CHD1L: variants seen among roughly 807,000 people sequenced by gnomAD.
CHD1L encodes ATP-dependent chromatin remodeler CHD1L.
A neutral mutation model predicts 115.9 loss-of-function variants in CHD1L; 118 were observed. The observed-to-expected ratio is 1.02, with a 90% CI of 0.88 to 1.19. CHD1L has a LOEUF of 1.19. CHD1L is among the 50% of genes most tolerant of loss of function. The pLI is 0.00. For synonymous variants in CHD1L, 411 were observed against 387.1 expected (o/e 1.06, Z -0.72); for missense variants, 1,179 against 1,065.3 (o/e 1.11, Z -1.49).
chr1:147,246,064 A>G (rs587697220), intron 1 of CHD1L, among the ~76,000 whole-genome samples: 2 of 152,230 alleles, frequency 1.3e-5, no homozygotes, highest in African/African-American at 2.4e-5. Context: ...TACCTCACCA[A>G]TTCCTTAACC....
intron 5 of CHD1L, chr1:147,259,173 G>T (rs587660039): frequency 1.3e-5 from 2 of 152,194 alleles, no homozygotes; most frequent in African/African-American, 4.8e-5. Flanking sequence ...CAAAGTATTT[G>T]CTTTTATGAC....
chr1:147,283,505 C>G lies in CHD1L; in HGVS notation c.1706-846C>G, dbSNP rs147532045. On this transcript the variant is annotated intron_variant, in intron 15 of 22. Coordinates refer to ENST00000369258, the MANE Select transcript of CHD1L (RefSeq NM_004284.6). ...CTTGATTCATGATCTTGGCAGATCA[C>G]TCAACCTCATTGAGCCTTTTTGTTC... Among the ~76,000 whole-genome samples the G allele has an allele frequency of 5.9e-3, 900 of 152,304 alleles. 7 individuals carry two copies. Among genetic ancestry groups the G allele is most frequent in the Non-Finnish European group, 8.8e-3 (601 of 68,020 alleles).
At chr1:147,288,672 C>G (rs782415277) in intron 19 of CHD1L, among the ~76,000 whole-genome samples, 1 of 152,134 alleles carries the variant, frequency 6.6e-6, no homozygotes, top group Non-Finnish European at 1.5e-5. Flanking sequence ...CTGAGCAAGA[C>G]TGTCTCAAGA....
the CHD1L span, chr1:147,223,598 C>A: frequency 6.4e-6 from 1 of 156,846 alleles, no homozygotes; most frequent in South Asian, 1.8e-4. Context: ...GCCCCCGCCC[C>A]TGCTATCAGT....
intron 21 of CHD1L, 43 bp downstream of exon 21, chr1:147,293,765 C>G (rs782273594): frequency 1.3e-6 from 2 of 1,522,298 alleles, no homozygotes; most frequent in Non-Finnish European, 1.8e-6. Flanking sequence ...GAATTTGTTT[C>G]TAGGCATGTG....
At chr1:147,180,448 C>T in the CHD1L span, among the ~76,000 whole-genome samples, 3 of 152,068 alleles carry the variant, frequency 2.0e-5, no homozygotes, top group African/African-American at 4.8e-5. Context: ...TGTGCCACCA[C>T]GCCTAGTCAA....
chr1:147,178,169 C>T, the CHD1L span: 1 of 1,610,626 alleles, frequency 6.2e-7, no homozygotes, highest in Non-Finnish European at 8.5e-7. Flanking sequence ...CTCGCCGCGG[C>T]CCGCCTCGCG....
At chr1:147,212,618 C>T in the CHD1L span, 1 of 1,332,436 alleles carries the variant, frequency 7.5e-7, no homozygotes, top group East Asian at 2.3e-5. Context: ...TTTTTGCAGA[C>T]TTAAGTTTAA....
At chr1:147,259,679 C>T in intron 5 of CHD1L, 158 bp from the exon 6 acceptor site, 1 of 634,490 alleles carries the variant, frequency 1.6e-6, no homozygotes, top group South Asian at 2.0e-5. Flanking sequence ...GTATTATGCA[C>T]ATGTAGCCTC....
At chr1:147,283,985 A>T (rs1170327232) in intron 15 of CHD1L, among the ~76,000 whole-genome samples, 3 of 152,226 alleles carry the variant, frequency 2.0e-5, no homozygotes, top group African/African-American at 4.8e-5. Context: ...GTGTGTTTGG[A>T]ATAAAAAAGT....
chr1:147,272,489 C>T (rs1322274855), intron 12 of CHD1L: 4 of 429,494 alleles, frequency 9.3e-6, no homozygotes, highest in Non-Finnish European at 1.6e-5. Flanking sequence ...AGGCTGAAAC[C>T]TGGGGTTATT....
chr1:147,252,802 C>G (rs1263909570), intron 2 of CHD1L, 67 bp downstream of exon 2: 4 of 1,284,320 alleles, frequency 3.1e-6, no homozygotes, highest in African/African-American at 1.5e-5. Context: ...CATTCTGGAG[C>G]TGAGAGCTCT....
At chr1:147,178,294 A>C in the CHD1L span, 6 of 1,613,222 alleles carry the variant, frequency 3.7e-6, no homozygotes, top group Admixed American at 1.0e-4. Context: ...TGGACACTGC[A>C]AGAGACTTGC....
chr1:147,247,174 A>G (rs1666887962), intron 1 of CHD1L, among the ~76,000 whole-genome samples: 1 of 152,228 alleles, frequency 6.6e-6, no homozygotes, highest in South Asian at 2.1e-4. Context: ...CATTGTGGTC[A>G]GAGAACATAC....
the CHD1L span, among the ~76,000 whole-genome samples, chr1:147,181,163 C>T: frequency 6.6e-6 from 1 of 152,106 alleles, no homozygotes; most frequent in South Asian, 2.1e-4. Flanking sequence ...AGCTATTGCC[C>T]CCTCAAGGAA....
the CHD1L span, among the ~76,000 whole-genome samples, chr1:147,226,583 G>C: frequency 2.6e-5 from 4 of 152,150 alleles, no homozygotes; most frequent in African/African-American, 9.7e-5. Flanking sequence ...GTTAGAACAA[G>C]GGCCCATCCA....
In CHD1L at chr1:147,267,435, A is replaced by G. The variant is rs782317795; in HGVS notation, c.905A>G (p.Glu302Gly). 1.2e-6 allele frequency: 2 copies of G among 1,612,258 alleles called. No homozygotes were observed. The highest frequency in any genetic ancestry group is 1.7e-6 in the Non-Finnish European group (2 of 1,178,840). ...TTTTTTTAAATTTCAGATGCATTTG[A>G]AAATGAGACGGCAAAGAAAGTTAAA... ...AILMKDLDAF[E>G]NETAKKVKLQ... The change falls in exon 9 of 23, where the codon GAA becomes GGA. Residue 302 changes from glutamate (E) to glycine (G), a missense_variant. Coordinates refer to ENST00000369258, the MANE Select transcript of CHD1L (RefSeq NM_004284.6).
intron 9 of CHD1L, among the ~76,000 whole-genome samples, chr1:147,268,510 A>G (rs887617221): frequency 6.6e-6 from 1 of 152,198 alleles, no homozygotes; most frequent in Non-Finnish European, 1.5e-5. Flanking sequence ...GACTTATTTT[A>G]TAGAGTGAGT....
At chr1:147,248,014 G>A (rs67248543) in intron 1 of CHD1L, among the ~76,000 whole-genome samples, 49,445 of 152,012 alleles carry the variant, frequency 0.33, 8,171 homozygotes, top group South Asian at 0.4. Context: ...CCTTGATTAT[G>A]TGTTCAGAAT....
Sources: allele counts gnomAD v4.1 joint callset (sites outside exome capture counted in the v4.1 genomes callset), GRCh38; gene constraint gnomAD v4.1.1; transcripts MANE v1.5; gene names NCBI Gene and HGNC (gene_info 2026-07-23, HGNC 2026-07-21).